Variants in PHF20 observed in about 807,000 individuals in gnomAD.
PHF20 encodes the protein glioma-expressed antigen 2.
Under a neutral mutation model 113.5 loss-of-function variants are expected in PHF20, and 23 were observed. That is an observed-to-expected ratio of 0.20 (90% CI 0.15 to 0.29). The LOEUF (loss-of-function observed/expected upper bound fraction) is 0.29, where lower values mean the gene tolerates loss of function less well. Among genes scored for constraint, PHF20 ranks in the 10% least tolerant of loss-of-function variants. PHF20 has a pLI of 1.00. For missense variants in PHF20, 943 were observed against 1,219.6 expected, an observed-to-expected ratio of 0.77 and a Z score of 3.38; for synonymous variants, 434 against 457.3, an observed-to-expected ratio of 0.95 and a Z score of 0.65.
chr20:35,807,098 C>T (rs1200108500), intron 2 of PHF20, among the ~76,000 whole-genome samples: 1 of 151,968 alleles, frequency 6.6e-6, no homozygotes, highest in African/African-American at 2.4e-5. Flanking sequence ...CCCGGTCAAC[C>T]TTTACTCTTT....
At chr20:35,939,345 G>T (rs2055933027) in intron 16 of PHF20, among the ~76,000 whole-genome samples, 2 of 152,128 alleles carry the variant, frequency 1.3e-5, no homozygotes, top group Non-Finnish European at 2.9e-5. Context: ...GGCACGTGGG[G>T]TGGGGGGCGC....
chr20:35,910,578 T>G (rs2055280268), intron 10 of PHF20, among the ~76,000 whole-genome samples: 1 of 152,024 alleles, frequency 6.6e-6, no homozygotes, highest in African/African-American at 2.4e-5. Context: ...CCCCTCCCCC[T>G]GAGCTCCAGG....
intron 4 of PHF20, among the ~76,000 whole-genome samples, chr20:35,854,567 G>A (rs1476514442): frequency 6.6e-6 from 1 of 152,120 alleles, no homozygotes; most frequent in Non-Finnish European, 1.5e-5. Context: ...TATTCTGTCT[G>A]ATTTATTGAA....
At chr20:35,803,109 G>A (rs1268253947) in intron 2 of PHF20, among the ~76,000 whole-genome samples, 2 of 150,774 alleles carry the variant, frequency 1.3e-5, no homozygotes, top group Non-Finnish European at 1.5e-5. Flanking sequence ...AAAATTAGCC[G>A]GGCATGATGG....
intron 2 of PHF20, among the ~76,000 whole-genome samples, chr20:35,819,226 C>T (rs1366823238): frequency 6.6e-6 from 1 of 152,048 alleles, no homozygotes; most frequent in African/African-American, 2.4e-5. Context: ...CCACTGTGCC[C>T]AGCCCTGCCT....
chr20:35,849,641 C>T (rs1254857784), intron 4 of PHF20, among the ~76,000 whole-genome samples: 1 of 152,142 alleles, frequency 6.6e-6, no homozygotes, highest in Non-Finnish European at 1.5e-5. Flanking sequence ...GGATTGGGAG[C>T]GACAATGCTA....
intron 13 of PHF20, among the ~76,000 whole-genome samples, 176 bp downstream of exon 13, chr20:35,917,838 T>C (rs1299808325): frequency 1.3e-5 from 2 of 152,182 alleles, no homozygotes; most frequent in African/African-American, 4.8e-5. Context: ...CTGCCATACA[T>C]AGTCCATTGA....
intron 10 of PHF20, among the ~76,000 whole-genome samples, chr20:35,908,396 C>T (rs1484463410): frequency 6.6e-6 from 1 of 152,242 alleles, no homozygotes; most frequent in East Asian, 1.9e-4. Flanking sequence ...TATGCCCTAG[C>T]ATTGGGCAGT....
chr20:35,799,824 C>T (rs775343884), intron 1 of PHF20, among the ~76,000 whole-genome samples: 7 of 152,142 alleles, frequency 4.6e-5, no homozygotes, highest in African/African-American at 1.4e-4. Context: ...CCTGCCGCCG[C>T]GCCCCACTAA....
intron 13 of PHF20, among the ~76,000 whole-genome samples, chr20:35,924,683 C>G (rs2055592101): frequency 6.6e-6 from 1 of 151,928 alleles, no homozygotes; most frequent in African/African-American, 2.4e-5. Context: ...ACCTTCCTCT[C>G]CTGGGTTCAA....
chr20:35,847,549 C>T (rs111918890), intron 4 of PHF20, 115 bp downstream of exon 4: 45 of 639,332 alleles, frequency 7.0e-5, no homozygotes, highest in Non-Finnish European at 9.1e-5. Context: ...CCTAGGTATC[C>T]GCTTTATTCA....
chr20:35,826,349 A>G (rs1255032038), intron 2 of PHF20, among the ~76,000 whole-genome samples: 1 of 152,076 alleles, frequency 6.6e-6, no homozygotes, highest in Non-Finnish European at 1.5e-5. Flanking sequence ...TGGCCTAGAC[A>G]TGCATTTAAA....
intron 1 of PHF20, among the ~76,000 whole-genome samples, chr20:35,793,291 C>G (rs939281519): frequency 1.3e-5 from 2 of 150,934 alleles, no homozygotes; most frequent in Non-Finnish European, 3.0e-5. Flanking sequence ...TCAGAGAGTC[C>G]TTTCTTTTTC....
At chr20:35,831,100 C>T (rs895095203) in intron 2 of PHF20, among the ~76,000 whole-genome samples, 2 of 152,098 alleles carry the variant, frequency 1.3e-5, no homozygotes, top group African/African-American at 4.8e-5. Flanking sequence ...TACAAATATA[C>T]ACACTAAAGT....
intron 10 of PHF20, among the ~76,000 whole-genome samples, chr20:35,909,597 T>A (rs1230502710): frequency 6.6e-6 from 1 of 152,104 alleles, no homozygotes; most frequent in Non-Finnish European, 1.5e-5. Context: ...GGGCCTTGGG[T>A]TTTTGGTTTT....
In PHF20 at chr20:35,842,590, A is replaced by G. The variant is rs2042553944; in HGVS notation, c.101A>G (p.Glu34Gly). The G allele has an allele frequency of 6.2e-7, 1 of 1,612,948 alleles. No homozygotes were observed. The highest frequency in any genetic ancestry group is 8.5e-7 in the Non-Finnish European group (1 of 1,179,684). ...RLKNWYPAHI[E>G]DIDYEEGKVL... ...TGACTCAGGTATCCAGCTCACATAG[A>G]AGACATTGACTACGAGGAAGGAAAA... is the stretch of plus-strand genomic sequence containing the variant. Residue 34 changes from glutamate (E) to glycine (G), a missense_variant, in exon 3 of 18, where the codon GAA becomes GGA. By Grantham distance (98) the Glu-to-Gly change is moderately conservative (BLOSUM62 -2). This residue lies in a region of PHF20 where 592 missense variants were observed against 787.2 expected (regional missense o/e 0.75). Transcript: ENST00000374012.
intron 12 of PHF20, 24 bp downstream of exon 12, chr20:35,914,221 T>C: frequency 6.2e-7 from 1 of 1,600,626 alleles, no homozygotes; most frequent in South Asian, 1.1e-5. Flanking sequence ...TCTGTCCTGA[T>C]CATTTGCTGA....
chr20:35,917,500 T>G lies in PHF20; in HGVS notation c.1842T>G (p.Ser614Arg). ...TCCTCGTAGAGGAGGATAATTTGAG[T>G]GAGTCCTCTTCTGAGAGCTTTCTCT... is the stretch of plus-strand genomic sequence containing the variant. ...KVKALEEDNLSESSSESFLWS... is the reference protein window; with the variant it reads ...KVKALEEDNLRESSSESFLWS... The change falls in exon 13 of 18, where the codon AGT becomes AGG. Residue 614 changes from serine to arginine, a missense_variant. This residue lies in a region of PHF20 where 592 missense variants were observed against 787.2 expected (regional missense o/e 0.75). Coordinates refer to ENST00000374012, the MANE Select transcript of PHF20 (RefSeq NM_016436.5). 1 of 1,613,716 alleles carries G rather than the reference T, an allele frequency of 6.2e-7. No individual in the cohort carries two copies. Among genetic ancestry groups the G allele is most frequent in the Non-Finnish European group, 8.5e-7 (1 of 1,179,714 alleles).
intron 1 of PHF20, among the ~76,000 whole-genome samples, chr20:35,784,764 G>A (rs1368278863): frequency 1.3e-5 from 2 of 152,050 alleles, no homozygotes; most frequent in Non-Finnish European, 2.9e-5. Context: ...ATAAAGGTTA[G>A]TGGGGGCCGG....
Sources: gnomAD v4.1 joint callset for allele counts (sites outside exome capture counted in the v4.1 genomes callset) on GRCh38, gnomAD v4.1.1 for gene constraint, gnomAD v4.1.1 regional missense constraint, MANE v1.5 for transcripts, NCBI Gene and HGNC (gene_info 2026-07-23, HGNC 2026-07-21) for gene names.